The following WDR26 variants were observed in gnomAD, a reference collection of about 807,000 sequenced individuals.
WDR26 encodes WD repeat-containing protein 26.
Under a neutral mutation model 84.1 loss-of-function variants are expected in WDR26, and 5 were observed. That is an observed-to-expected ratio of 0.06 (90% CI 0.03 to 0.13). The LOEUF is 0.13. WDR26 is among the 10% of genes least tolerant of loss of function. WDR26 has a pLI of 1.00. For synonymous variants in WDR26, 415 were observed against 389.6 expected (o/e 1.07, Z -0.77); for missense variants, 642 against 974.9 (o/e 0.66, Z 4.55).
chr1:224,394,598 G>A (rs796390484), intron 12 of WDR26, among the ~76,000 whole-genome samples: 34 of 151,582 alleles, frequency 2.2e-4, no homozygotes, highest in African/African-American at 7.7e-4. Context: ...TCCACCTCCC[G>A]GGTTCAAGCG....
chr1:224,397,271 G>GT (rs1376526666), intron 12 of WDR26, among the ~76,000 whole-genome samples: 1 of 152,160 alleles, frequency 6.6e-6, no homozygotes, highest in Non-Finnish European at 1.5e-5. Context: ...GATTACAGGT[G>GT]TAAGCCATCA....
chr1:224,394,160 T>A (rs1673197052), intron 12 of WDR26, 147 bp from the exon 13 acceptor site: 1 of 579,056 alleles, frequency 1.7e-6, no homozygotes, highest in Non-Finnish European at 2.6e-6. Context: ...TGTTACCTTA[T>A]GAAAAAATGT....
intron 13 of WDR26, among the ~76,000 whole-genome samples, chr1:224,392,196 CTAAAAATACA>C (rs1673147366): frequency 6.6e-6 from 1 of 152,020 alleles, no homozygotes; most frequent in South Asian, 2.1e-4. Context: ...CCCGTCTCTA[CTAAAAATACA>C]AAAAATTAGC....
intron 12 of WDR26, 112 bp from the exon 13 acceptor site, chr1:224,394,125 T>A: frequency 1.4e-6 from 1 of 735,282 alleles, no homozygotes; most frequent in Non-Finnish European, 2.0e-6. Flanking sequence ...AAAGGGAAAA[T>A]AAATATACCA....
Position 224,399,040 on chromosome 1 carries a change from T to C in WDR26, c.1720-6A>G. ...AGGAGATTACCATCTAAGTCCTGAG[T>C]AAGAAAAAACTACTATTAACTTCAT... On this transcript the variant is annotated splice_polypyrimidine_tract_variant and splice_region_variant and intron_variant, in intron 9 of 13. Coordinates refer to ENST00000414423, the MANE Select transcript of WDR26 (RefSeq NM_001379403.1). 1 of 1,522,064 alleles carries C rather than the reference T, an allele frequency of 6.6e-7. No homozygotes were observed. Among genetic ancestry groups the C allele is most frequent in the Non-Finnish European group, 8.8e-7 (1 of 1,142,690 alleles). The allele number at this position is 1,522,064 out of a possible 1,614,324, so 94.3% of individuals were successfully genotyped here.
At chr1:224,398,708 A>G in intron 10 of WDR26, 115 bp from the exon 11 acceptor site, 1 of 1,173,390 alleles carries the variant, frequency 8.5e-7, no homozygotes, top group Non-Finnish European at 1.2e-6. Flanking sequence ...AATCACTATT[A>G]CATACTATAC....
intron 7 of WDR26, among the ~76,000 whole-genome samples, chr1:224,407,343 G>T (rs904284297): frequency 3.4e-5 from 5 of 147,452 alleles, no homozygotes; most frequent in Admixed American, 1.4e-4. Flanking sequence ...ATTCTGCGGG[G>T]AATGGGTAAA....
chr1:224,407,500 T>C (rs972059065), intron 7 of WDR26, among the ~76,000 whole-genome samples: 1 of 148,702 alleles, frequency 6.7e-6, no homozygotes, highest in Non-Finnish European at 1.5e-5. Flanking sequence ...TATATATATA[T>C]ACATATATAA....
chr1:224,432,419 T>C (rs747959843), intron 1 of WDR26, among the ~76,000 whole-genome samples: 5 of 152,238 alleles, frequency 3.3e-5, no homozygotes, highest in Admixed American at 6.5e-5. Context: ...TTCATACTAA[T>C]CCTTTTCCCT....
intron 1 of WDR26, among the ~76,000 whole-genome samples, chr1:224,433,324 C>G (rs778566968): frequency 2.0e-5 from 3 of 152,124 alleles, no homozygotes; most frequent in Non-Finnish European, 4.4e-5. Flanking sequence ...CACCCCTCCC[C>G]CAACACATAC....
At chr1:224,406,514 TTA>T (rs1419024149) in intron 7 of WDR26, among the ~76,000 whole-genome samples, 8 of 152,214 alleles carry the variant, frequency 5.3e-5, no homozygotes, top group Non-Finnish European at 8.8e-5. Flanking sequence ...GCAAAATGGA[TTA>T]TGTTTACACT....
Position 224,389,818 on chromosome 1 carries a change from C to G in WDR26, c.*17G>C, listed in dbSNP as rs563598701. ...TAATTTTAAGTTAAACAGAAGTCGTCTGCTCCAAATTCACCATCAACTATC... is the reference window on the plus strand; with the variant it reads ...TAATTTTAAGTTAAACAGAAGTCGTGTGCTCCAAATTCACCATCAACTATC... On this transcript the variant is annotated 3_prime_UTR_variant, in exon 14 of 14. Transcript: ENST00000414423. 7 of 1,514,464 alleles carry G rather than the reference C, an allele frequency of 4.6e-6. No individual in the cohort carries two copies. The East Asian group carries it at 1.9e-4, about 42-fold the overall frequency. The allele number at this position is 1,514,464 out of a possible 1,614,324, so 93.8% of individuals were successfully genotyped here.
chr1:224,401,741 T>C (rs1252166330), intron 8 of WDR26, among the ~76,000 whole-genome samples: 1 of 138,008 alleles, frequency 7.2e-6, no homozygotes, highest in Non-Finnish European at 1.6e-5. Flanking sequence ...GCCCATAAAG[T>C]AGGCAAAGGG....
intron 3 of WDR26, among the ~76,000 whole-genome samples, chr1:224,426,337 A>T (rs1206539752): frequency 6.6e-6 from 1 of 152,240 alleles, no homozygotes; most frequent in Non-Finnish European, 1.5e-5. Flanking sequence ...TAGAGAAAGT[A>T]AGCAATAATA....
rs1674486009 is a variant in WDR26 at position 224,433,688 on chromosome 1, G to A, written c.718C>T (p.Leu240Phe). The A allele has an allele frequency of 2.1e-6, 3 of 1,453,868 alleles. No individual in the cohort carries two copies. The highest frequency in any genetic ancestry group is 2.7e-6 in the Non-Finnish European group (3 of 1,095,706). 90.1% of individuals were successfully genotyped at this position (1,453,868 alleles called of 1,614,324 possible). A position where few individuals can be genotyped will look rare whatever the true frequency, so the allele number is the denominator to read the frequency against. ...CTGGCGGTAAGGGATACTTACTTGA[G>A]CCCTAAGCCATTCAAGTGCTGTCCT... The change falls in exon 1 of 14, where the codon CTC becomes TTC. Residue 240 changes from leucine (L) to phenylalanine (F), a missense_variant. Physicochemically the swap from Leu to Phe is conservative, Grantham distance 22 (BLOSUM62 0). Around this residue, in one of 2 missense-constraint regions of WDR26, gnomAD observed 351 missense variants for 672.8 expected, o/e 0.52. Coordinates refer to ENST00000414423, the MANE Select transcript of WDR26 (RefSeq NM_001379403.1).
At position 224,433,675 on chromosome 1, in the gene WDR26, G is replaced by A. The variant is rs918590158; in HGVS notation, c.722+9C>T. ...TGTCCATCACCAGCTGGCGGTAAGG[G>A]ATACTTACTTGAGCCCTAAGCCATT... is the stretch of plus-strand genomic sequence containing the variant. On this transcript the variant is annotated intron_variant, in intron 1 of 13. Transcript: ENST00000414423. The A allele has an allele frequency of 2.0e-5, 29 of 1,474,166 alleles. No homozygotes were observed. Among genetic ancestry groups the A allele is most frequent in the Non-Finnish European group, 2.6e-5 (29 of 1,111,934 alleles). The allele number at this position is 1,474,166 out of a possible 1,614,324, so 91.3% of individuals were successfully genotyped here.
chr1:224,396,593 C>T (rs1673267336), intron 12 of WDR26, among the ~76,000 whole-genome samples: 1 of 152,178 alleles, frequency 6.6e-6, no homozygotes, highest in Admixed American at 6.5e-5. Flanking sequence ...AAAGTAAATT[C>T]CCAATTGCTA....
rs746127824 is a variant in WDR26 at position 224,398,104 on chromosome 1, G to T, written c.2067C>A (p.Gly689=). The T allele has an allele frequency of 1.9e-6, 3 of 1,612,694 alleles. No individual in the cohort carries two copies. The highest frequency in any genetic ancestry group is 2.5e-6 in the Non-Finnish European group (3 of 1,179,654). Residue 689 remains glycine (G), a synonymous_variant, in exon 12 of 14, where the codon GGC becomes GGA. Coordinates refer to ENST00000414423, the MANE Select transcript of WDR26 (RefSeq NM_001379403.1). Reference sequence around the variant, plus strand: ...GATAAGGACACAATTTACCTTCACTGCCACTAGCGATGAAGTCTTCATTAT... The same window carrying T: ...GATAAGGACACAATTTACCTTCACTTCCACTAGCGATGAAGTCTTCATTAT...
At chr1:224,421,581 C>G (rs528036400) in intron 4 of WDR26, among the ~76,000 whole-genome samples, 1 of 151,946 alleles carries the variant, frequency 6.6e-6, no homozygotes, top group South Asian at 2.1e-4. Context: ...TGGAGAGAGA[C>G]TCTGTCTCAA....
Sources: gnomAD v4.1 joint callset for allele counts (sites outside exome capture counted in the v4.1 genomes callset) on GRCh38, gnomAD v4.1.1 for gene constraint, gnomAD v4.1.1 regional missense constraint, MANE v1.5 for transcripts, NCBI Gene and HGNC (gene_info 2026-07-23, HGNC 2026-07-21) for gene names.